COG3: variants seen among roughly 807,000 people sequenced by gnomAD.
COG3 encodes conserved oligomeric Golgi complex subunit 3.
COG3 carries 32 observed loss-of-function variants against 114.1 expected under a neutral mutation model. The ratio of observed to expected loss-of-function variants is 0.28; its 90% CI spans 0.21 to 0.38. COG3 has a LOEUF of 0.38. Ranked by LOEUF, COG3 falls within the 10% of genes least tolerant of loss-of-function variation. The probability of loss-of-function intolerance (pLI) is 1.00; values close to 1 mark genes in which losing one functional copy is unlikely to be tolerated. For missense variants in COG3, 813 were observed against 973.2 expected, an observed-to-expected ratio of 0.84 and a Z score of 2.19; for synonymous variants, 352 against 365.7, an observed-to-expected ratio of 0.96 and a Z score of 0.43.
At chr13:45,524,459 A>C (rs1872490803) in intron 19 of COG3, among the ~76,000 whole-genome samples, 2 of 152,216 alleles carry the variant, frequency 1.3e-5, no homozygotes, top group Admixed American at 1.3e-4. Flanking sequence ...TTGGTCAGTC[A>C]TATGTGACTT....
In COG3 at chr13:45,480,154, A is replaced by C; in HGVS notation, c.413A>C (p.Gln138Pro). 6.2e-7 allele frequency: 1 copy of C among 1,612,234 alleles called. No individual in the cohort carries two copies. Among genetic ancestry groups the C allele is most frequent in the Non-Finnish European group, 8.5e-7 (1 of 1,178,906 alleles). Residue 138 changes from glutamine (Q) to proline (P), a missense_variant, in exon 4 of 23, where the codon CAG becomes CCG. Physicochemically the swap from Gln to Pro is moderately conservative, Grantham distance 76. Coordinates refer to ENST00000349995, the MANE Select transcript of COG3 (RefSeq NM_031431.4). The part of the protein sequence containing the change: ...RQMRDYLSGF[Q>P]EQCDAILNDV... ...ATGAGGGATTACTTGTCTGGGTTTC[A>C]GGAGCAGTGTGATGCTATATTGAAT... is the stretch of plus-strand genomic sequence containing the variant.
At chr13:45,519,347 T>G (rs1871865535) in intron 19 of COG3, among the ~76,000 whole-genome samples, 1 of 152,216 alleles carries the variant, frequency 6.6e-6, no homozygotes, top group African/African-American at 2.4e-5. Flanking sequence ...TGACCCCTGG[T>G]TAGCTGTGTT....
chr13:45,535,478 G>T lies in COG3; in HGVS notation c.*747G>T. 1.0e-6 allele frequency: 1 copy of T among 985,450 alleles called. No individual in the cohort carries two copies. Among genetic ancestry groups the T allele is most frequent in the Middle Eastern group, 5.2e-4 (1 of 1,916 alleles). The allele number at this position is 985,450 out of a possible 1,614,324, so 61.0% of individuals were successfully genotyped here. A position where few individuals can be genotyped will look rare whatever the true frequency, so the allele number is the denominator to read the frequency against. ...CTTCATGGTATGATAGTGTGTGTTTGTGAGTGCGAAGTACCAATTAAGGTG... is the reference window on the plus strand; with the variant it reads ...CTTCATGGTATGATAGTGTGTGTTTTTGAGTGCGAAGTACCAATTAAGGTG... On this transcript the variant is annotated 3_prime_UTR_variant, in exon 23 of 23. Transcript: ENST00000349995.
At chr13:45,530,592 G>A (rs769166548) in intron 21 of COG3, 90 bp from the exon 22 acceptor site, 7 of 811,958 alleles carry the variant, frequency 8.6e-6, no homozygotes, top group South Asian at 5.7e-5. Context: ...GCTTCCACTC[G>A]CTTTGGCAAA....
At chr13:45,503,897 T>A (rs1240517164) in intron 14 of COG3, among the ~76,000 whole-genome samples, 1 of 152,072 alleles carries the variant, frequency 6.6e-6, no homozygotes, top group African/African-American at 2.4e-5. Context: ...ACCATCAGAT[T>A]TGCATTTTGT....
At chr13:45,530,945 T>C (rs1165746852) in intron 22 of COG3, 165 bp downstream of exon 22, 1 of 983,592 alleles carries the variant, frequency 1.0e-6, no homozygotes, top group East Asian at 1.1e-4. Context: ...TCTCTCAAAC[T>C]TTTGGGGGAT....
At chr13:45,472,624 G>C (rs1344404183) in intron 1 of COG3, among the ~76,000 whole-genome samples, 1 of 151,940 alleles carries the variant, frequency 6.6e-6, no homozygotes, top group Non-Finnish European at 1.5e-5. Context: ...TGTGTTCTGT[G>C]TACTGATGAG....
chr13:45,465,447 C>G, intron 1 of COG3: 1 of 596,046 alleles, frequency 1.7e-6, no homozygotes, highest in Non-Finnish European at 2.7e-6. Context: ...GCAGCTGGTG[C>G]TCGCCGGAAC....
At chr13:45,503,171 T>G (rs1035691527) in intron 13 of COG3, 73 bp from the exon 14 acceptor site, 2 of 704,294 alleles carry the variant, frequency 2.8e-6, no homozygotes, top group Non-Finnish European at 5.1e-6. Flanking sequence ...TATATGTACT[T>G]TGTATAAAGA....
chr13:45,519,184 A>G, intron 19 of COG3, 90 bp downstream of exon 19: 1 of 1,413,556 alleles, frequency 7.1e-7, no homozygotes, highest in East Asian at 2.3e-5. Flanking sequence ...ACTCTGGCAG[A>G]AGGAGATATT....
intron 14 of COG3, among the ~76,000 whole-genome samples, chr13:45,509,171 C>G (rs1170674380): frequency 6.6e-6 from 1 of 152,042 alleles, no homozygotes; most frequent in East Asian, 1.9e-4. Flanking sequence ...TCTCGAGTAG[C>G]TGGGACTACA....
intron 13 of COG3, 47 bp from the exon 14 acceptor site, chr13:45,503,197 C>T (rs1391261186): frequency 2.2e-6 from 2 of 905,980 alleles, no homozygotes; most frequent in African/African-American, 3.3e-5. Context: ...TTCATGTTGC[C>T]AAACACTGCT....
Position 45,516,365 on chromosome 13 carries a change from A to G in COG3, c.1930+102A>G, listed in dbSNP as rs570945119. ...TTTATGTTCATCTGCAATTTTTTGC[A>G]TGCTTTGCTTGCTAAATATGTTATT... is the stretch of plus-strand genomic sequence containing the variant. On this transcript the variant is annotated intron_variant, in intron 17 of 22. Transcript: ENST00000349995. 6.8e-6 allele frequency: 7 copies of G among 1,029,786 alleles called. No homozygotes were observed. The South Asian group carries it at 1.6e-4, about 24-fold the overall frequency. 63.8% of individuals were successfully genotyped at this position (1,029,786 alleles called of 1,614,324 possible).
chr13:45,510,780 C>T lies in COG3; in HGVS notation c.1719+964C>T, dbSNP rs563864866. ...CTTACCGATCAAAGGTGGGGAAAGA[C>T]AATCCAGTGTAAAATACGTTAAGGC... On this transcript the variant is annotated intron_variant, in intron 15 of 22. Transcript: ENST00000349995. 2.6e-5 allele frequency among the ~76,000 whole-genome samples: 4 copies of T among 152,278 alleles called. No individual in the cohort carries two copies. In the South Asian group the frequency reaches 8.3e-4, roughly 32 times the overall value.
At chr13:45,499,750 G>A (rs931653728) in intron 13 of COG3, among the ~76,000 whole-genome samples, 1 of 152,124 alleles carries the variant, frequency 6.6e-6, no homozygotes, top group Non-Finnish European at 1.5e-5. Context: ...GGCCAGGCAC[G>A]GTGGCTTGCG....
At chr13:45,506,986 G>A (rs534029438) in intron 14 of COG3, among the ~76,000 whole-genome samples, 4 of 152,322 alleles carry the variant, frequency 2.6e-5, no homozygotes, top group Admixed American at 6.5e-5. Flanking sequence ...GGAGGACGAC[G>A]GAGGCAGACG....
intron 7 of COG3, 111 bp from the exon 8 acceptor site, chr13:45,486,384 T>A: frequency 1.7e-6 from 1 of 580,154 alleles, no homozygotes; most frequent in Non-Finnish European, 3.2e-6. Flanking sequence ...CCCTAAGCTT[T>A]GATTGGTATG....
At chr13:45,466,384 T>A (rs1031248384) in intron 1 of COG3, 4 of 152,188 alleles carry the variant, frequency 2.6e-5, no homozygotes, top group African/African-American at 9.7e-5. Context: ...CAAATGCAGA[T>A]TGAGTTTAGA....
chr13:45,508,815 T>G (rs1443728368), intron 14 of COG3, among the ~76,000 whole-genome samples: 1 of 152,162 alleles, frequency 6.6e-6, no homozygotes, highest in African/African-American at 2.4e-5. Flanking sequence ...AGAGTCTGCC[T>G]TTTCTGACCT....
Sources: gnomAD v4.1 joint callset for allele counts (sites outside exome capture counted in the v4.1 genomes callset) on GRCh38, gnomAD v4.1.1 for gene constraint, MANE v1.5 for transcripts, NCBI Gene and HGNC (gene_info 2026-07-23, HGNC 2026-07-21) for gene names.